GPC5: variants seen among roughly 807,000 people sequenced by gnomAD.
GPC5 encodes the protein glypican-5.
GPC5 carries 47 observed loss-of-function variants against 53.9 expected under a neutral mutation model. The observed-to-expected ratio is 0.87, with a 90% CI of 0.69 to 1.11. GPC5 has a LOEUF of 1.11. Among genes scored for constraint, GPC5 ranks in the 50% most tolerant of loss-of-function variants. The pLI is 0.00. For missense variants in GPC5, 748 were observed against 713.1 expected (o/e 1.05, Z -0.56); for synonymous variants, 286 against 263.3 (o/e 1.09, Z -0.84).
chr13:92,851,280 C>T (rs1878790847), intron 7 of GPC5, among the ~76,000 whole-genome samples: 2 of 152,120 alleles, frequency 1.3e-5, no homozygotes, highest in South Asian at 2.1e-4. Flanking sequence ...CAGATCCAAA[C>T]CATATCACCT....
At chr13:92,760,105 G>T (rs1311913661) in intron 7 of GPC5, among the ~76,000 whole-genome samples, 2 of 151,920 alleles carry the variant, frequency 1.3e-5, no homozygotes, top group Non-Finnish European at 2.9e-5. Flanking sequence ...GAGAATTTTT[G>T]CATTGATGTT....
intron 7 of GPC5, among the ~76,000 whole-genome samples, chr13:92,852,143 T>A (rs1388873387): frequency 1.3e-5 from 2 of 152,160 alleles, no homozygotes; most frequent in Non-Finnish European, 2.9e-5. Flanking sequence ...TTGGATTAAG[T>A]CTTTTTTAAG....
chr13:91,544,151 G>C (rs780279159), intron 2 of GPC5, among the ~76,000 whole-genome samples: 10 of 151,868 alleles, frequency 6.6e-5, no homozygotes, highest in Non-Finnish European at 1.2e-4. Flanking sequence ...AAATAAGTTG[G>C]TATAATTGGC....
intron 7 of GPC5, among the ~76,000 whole-genome samples, chr13:92,488,566 G>C (rs74710526): frequency 6.6e-6 from 1 of 152,162 alleles, no homozygotes; most frequent in Admixed American, 6.6e-5. Flanking sequence ...ATTTAAGTAG[G>C]TTAGTTATTC....
chr13:91,505,698 T>C (rs1884901255), intron 2 of GPC5, among the ~76,000 whole-genome samples: 2 of 152,216 alleles, frequency 1.3e-5, no homozygotes, highest in African/African-American at 4.8e-5. Flanking sequence ...CACTTCTCTG[T>C]ATTCATTGCC....
intron 7 of GPC5, among the ~76,000 whole-genome samples, chr13:92,762,594 T>C (rs67025056): frequency 0.065 from 9,824 of 152,180 alleles, 826 homozygotes; most frequent in East Asian, 0.37. Context: ...TTGAGCCCCA[T>C]GTATCTGGAT....
At chr13:91,851,702 C>T (rs2038915809) in intron 5 of GPC5, among the ~76,000 whole-genome samples, 2 of 134,688 alleles carry the variant, frequency 1.5e-5, no homozygotes, top group South Asian at 2.5e-4. Context: ...TTCCTGTGTC[C>T]ATGTGATCTC....
At chr13:92,461,261 A>G (rs1878467077) in intron 7 of GPC5, among the ~76,000 whole-genome samples, 1 of 152,146 alleles carries the variant, frequency 6.6e-6, no homozygotes, top group Admixed American at 6.6e-5. Context: ...GATTCAACGA[A>G]TATGTATTGA....
At chr13:91,431,669 A>C (rs1879461670) in intron 1 of GPC5, among the ~76,000 whole-genome samples, 1 of 152,214 alleles carries the variant, frequency 6.6e-6, no homozygotes, top group Non-Finnish European at 1.5e-5. Context: ...CCTTCAGGTC[A>C]ACAAACTAAT....
intron 5 of GPC5, among the ~76,000 whole-genome samples, chr13:91,810,235 T>C (rs1314534576): frequency 2.6e-5 from 4 of 152,004 alleles, no homozygotes; most frequent in Non-Finnish European, 2.9e-5. Flanking sequence ...TTTGGAAAGA[T>C]AGAAAATGAC....
At chr13:92,669,494 G>A (rs562501036) in intron 7 of GPC5, among the ~76,000 whole-genome samples, 4 of 152,230 alleles carry the variant, frequency 2.6e-5, no homozygotes, top group South Asian at 4.1e-4. Flanking sequence ...CTGAGCACCT[G>A]TTTGCTGTAT....
chr13:92,119,296 C>T (rs563481239), intron 6 of GPC5, among the ~76,000 whole-genome samples: 17 of 151,434 alleles, frequency 1.1e-4, no homozygotes, highest in African/African-American at 3.4e-4. Flanking sequence ...CCTGCCACAA[C>T]ATGTGGGAAT....
At chr13:92,380,294 C>T (rs1017628209) in intron 7 of GPC5, among the ~76,000 whole-genome samples, 3 of 152,082 alleles carry the variant, frequency 2.0e-5, no homozygotes, top group Non-Finnish European at 2.9e-5. Context: ...CTCTCCATCC[C>T]CAAATAATCT....
At chr13:92,473,079 G>T (rs572046113) in intron 7 of GPC5, among the ~76,000 whole-genome samples, 3 of 152,008 alleles carry the variant, frequency 2.0e-5, no homozygotes, top group Admixed American at 2.0e-4. Context: ...TTATTAAGGG[G>T]AATAGAGCAG....
At chr13:92,068,195 TTAAC>T (rs1451906628) in intron 6 of GPC5, among the ~76,000 whole-genome samples, 2 of 151,902 alleles carry the variant, frequency 1.3e-5, no homozygotes, top group African/African-American at 2.4e-5. Context: ...TTAAAACTGT[TTAAC>T]TGACTTGAAG....
intron 7 of GPC5, among the ~76,000 whole-genome samples, chr13:92,653,902 C>T (rs1886040355): frequency 6.6e-6 from 1 of 152,296 alleles, no homozygotes. Context: ...GAGCTCAAAA[C>T]TCAGTGAAGT....
intron 7 of GPC5, among the ~76,000 whole-genome samples, chr13:92,356,191 T>C (rs1388786473): frequency 1.3e-5 from 2 of 152,152 alleles, no homozygotes; most frequent in African/African-American, 2.4e-5. Flanking sequence ...ACAAATGTTA[T>C]TGAGAACACA....
chr13:92,358,876 T>C (rs1414446951), intron 7 of GPC5, among the ~76,000 whole-genome samples: 1 of 151,782 alleles, frequency 6.6e-6, no homozygotes, highest in African/African-American at 2.4e-5. Flanking sequence ...GAGTAGCTAC[T>C]GAGAAGGTCT....
intron 2 of GPC5, among the ~76,000 whole-genome samples, chr13:91,477,339 A>G (rs186605151): frequency 6.6e-6 from 1 of 152,252 alleles, no homozygotes; most frequent in African/African-American, 2.4e-5. Flanking sequence ...AAATGTTTTC[A>G]GCGGTATTAC....
Sources: allele counts gnomAD v4.1 joint callset (sites outside exome capture counted in the v4.1 genomes callset), GRCh38; gene constraint gnomAD v4.1.1; transcripts MANE v1.5; gene names NCBI Gene and HGNC (gene_info 2026-07-23, HGNC 2026-07-21).